Variants in FAT1 observed in about 807,000 individuals in gnomAD.
The protein encoded by FAT1 is protocadherin Fat 1.
A neutral mutation model predicts 329.8 loss-of-function variants in FAT1; 171 were observed. That is an observed-to-expected ratio of 0.52 (90% confidence interval 0.46 to 0.59). The LOEUF (loss-of-function observed/expected upper bound fraction) is 0.59. Ranked by LOEUF, FAT1 falls within the 20% of genes least tolerant of loss-of-function variation. FAT1 has a pLI of 0.00. For missense variants in FAT1, 5,672 were observed against 5,774.4 expected, an observed-to-expected ratio of 0.98 and a Z score of 0.57; for synonymous variants, 2,233 against 2,228.6, an observed-to-expected ratio of 1.00 and a Z score of -0.06.
intron 2 of FAT1, among the ~76,000 whole-genome samples, chr4:186,685,352 A>T (rs1380636573): frequency 1.3e-5 from 2 of 152,238 alleles, no homozygotes; most frequent in Admixed American, 6.5e-5. Context: ...AATAAGAGCA[A>T]CTTAGCCAAA....
At chr4:186,713,100 C>T (rs1358894471) in intron 1 of FAT1, among the ~76,000 whole-genome samples, 1 of 151,918 alleles carries the variant, frequency 6.6e-6, no homozygotes, top group Non-Finnish European at 1.5e-5. Context: ...ATACAACTAA[C>T]AAACCAGTAC....
chr4:186,711,420 T>G lies in FAT1; in HGVS notation c.-18-1575A>C, dbSNP rs564246413. 4.6e-5 allele frequency among the ~76,000 whole-genome samples: 7 copies of G among 152,246 alleles called. No homozygotes were observed. The South Asian group carries it at 1.5e-3, about 32-fold the overall frequency. ...AGAAAACAATTTTCTCCCAAAACTA[T>G]CTCTTTAAGTATCTCCATTTAGTCA... On this transcript the variant is annotated intron_variant, in intron 1 of 26. Transcript: ENST00000441802.
At chr4:186,657,592 G>A (rs1436123340) in intron 3 of FAT1, among the ~76,000 whole-genome samples, 5 of 152,156 alleles carry the variant, frequency 3.3e-5, no homozygotes, top group African/African-American at 1.2e-4. Context: ...TAAAAGCTAT[G>A]TGAAAGCTTA....
At chr4:186,623,755 C>T (rs1740160099) in intron 9 of FAT1, among the ~76,000 whole-genome samples, 1 of 152,202 alleles carries the variant, frequency 6.6e-6, no homozygotes, top group South Asian at 2.1e-4. Flanking sequence ...GCATCCTCTC[C>T]TGGAAGAGTC....
At chr4:186,642,625 GATGGGTGGCTAGGTGCTGCA>G (rs1194964301) in intron 3 of FAT1, among the ~76,000 whole-genome samples, 44 of 143,384 alleles carry the variant, frequency 3.1e-4, no homozygotes, top group African/African-American at 6.2e-4. Flanking sequence ...CAGGTGCTGC[GATGGGTGGCTAGGTGCTGCA>G]ATGGGTGGCT....
intron 2 of FAT1, among the ~76,000 whole-genome samples, chr4:186,697,809 G>A (rs1248253737): frequency 6.6e-6 from 1 of 152,136 alleles, no homozygotes; most frequent in African/African-American, 2.4e-5. Flanking sequence ...TCCTTTATGA[G>A]AATTTGTGAG....
intron 2 of FAT1, among the ~76,000 whole-genome samples, chr4:186,696,057 T>C (rs1462259538): frequency 1.3e-5 from 2 of 152,196 alleles, no homozygotes; most frequent in African/African-American, 2.4e-5. Flanking sequence ...TCCCAAAGTG[T>C]TGGGATTACA....
rs143744017 is a variant in FAT1 at position 186,598,043 on chromosome 4, G to A, written c.12186C>T (p.Leu4062=). The A allele has an allele frequency of 6.2e-7, 1 of 1,613,812 alleles. No homozygotes were observed. The highest frequency in any genetic ancestry group is 1.3e-5 in the African/African-American group (1 of 74,896). The change falls in exon 23 of 27, where the codon CTC becomes CTT. Residue 4062 remains leucine (L), a synonymous_variant. Coordinates refer to ENST00000441802, the MANE Select transcript of FAT1 (RefSeq NM_005245.4). Reference sequence around the variant, plus strand: ...TGTCGACAACACACGTGCCCCCATAGAGGCATGGCTTGGAGGAACACGGAT... The same window carrying A: ...TGTCGACAACACACGTGCCCCCATAAAGGCATGGCTTGGAGGAACACGGAT... ...SVNPCSSKPC[L]YGGTCVVDNG...
At chr4:186,637,190 G>A (rs1336919859) in intron 4 of FAT1, among the ~76,000 whole-genome samples, 3 of 152,068 alleles carry the variant, frequency 2.0e-5, no homozygotes, top group East Asian at 1.9e-4. Flanking sequence ...CTCTCTTCTC[G>A]CATTAGTTTA....
At chr4:186,687,397 C>T (rs1743522982) in intron 2 of FAT1, among the ~76,000 whole-genome samples, 1 of 149,976 alleles carries the variant, frequency 6.7e-6, no homozygotes, top group Non-Finnish European at 1.5e-5. Context: ...AACAAACAAA[C>T]AAAAAAAAAG....
chr4:186,692,387 A>C lies in FAT1; in HGVS notation c.3265+14176T>G, dbSNP rs530098267. Among the ~76,000 whole-genome samples, 7 of 152,040 alleles carry C rather than the reference A, an allele frequency of 4.6e-5. No homozygotes were observed. The East Asian group carries it at 1.4e-3, about 29-fold the overall frequency. ...GAGTGCAGTGGCGCAATCTCGGTTC[A>C]CTGCAAGCTCCGCCTCCCGGGTTCA... On this transcript the variant is annotated intron_variant, in intron 2 of 26. Coordinates refer to ENST00000441802, the MANE Select transcript of FAT1 (RefSeq NM_005245.4).
chr4:186,650,126 A>G (rs1414700818), intron 3 of FAT1, among the ~76,000 whole-genome samples: 1 of 152,208 alleles, frequency 6.6e-6, no homozygotes, highest in Non-Finnish European at 1.5e-5. Context: ...CTGGGATGAA[A>G]CAAAATTCCC....
chr4:186,627,028 AT>A (rs1740341936), intron 9 of FAT1, among the ~76,000 whole-genome samples: 1 of 119,838 alleles, frequency 8.3e-6, no homozygotes, highest in Non-Finnish European at 1.7e-5. Flanking sequence ...GAATGAATGA[AT>A]GAATGAGGGA....
At chr4:186,637,269 T>G (rs574051999) in intron 4 of FAT1, among the ~76,000 whole-genome samples, 23 of 152,356 alleles carry the variant, frequency 1.5e-4, no homozygotes, top group African/African-American at 5.5e-4. Context: ...ATGGAAGAGA[T>G]ACGTGAAGAT....
In FAT1 at chr4:186,707,694, G is replaced by A. The variant is rs776480678; in HGVS notation, c.2134C>T (p.His712Tyr). 2.5e-6 allele frequency: 4 copies of A among 1,613,914 alleles called. No homozygotes were observed. The highest frequency in any genetic ancestry group is 2.5e-6 in the Non-Finnish European group (3 of 1,179,864). Residue 712 changes from histidine to tyrosine, a missense_variant, in exon 2 of 27, where the codon CAC (histidine) becomes TAC (tyrosine). By Grantham distance (83) the His-to-Tyr change is moderately conservative. Transcript: ENST00000441802. ...AGAGTGCTTCTAAACTGCGGTATGTGAGCATTGACAGAGTGAGAATCGAAG... is the reference window on the plus strand; with the variant it reads ...AGAGTGCTTCTAAACTGCGGTATGTAAGCATTGACAGAGTGAGAATCGAAG... ...IFFDSHSVNA[H>Y]IPQFRSTLPT...
intron 1 of FAT1, among the ~76,000 whole-genome samples, chr4:186,711,049 G>A (rs1744924871): frequency 6.6e-6 from 1 of 152,186 alleles, no homozygotes; most frequent in Admixed American, 6.5e-5. Context: ...CTGTCATCTT[G>A]CAAAGTGACT....
At chr4:186,669,389 T>C (rs891894873) in intron 2 of FAT1, among the ~76,000 whole-genome samples, 1 of 152,152 alleles carries the variant, frequency 6.6e-6, no homozygotes, top group Non-Finnish European at 1.5e-5. Flanking sequence ...TGACGCAGAT[T>C]TGGAGCACAG....
intron 3 of FAT1, among the ~76,000 whole-genome samples, chr4:186,643,727 A>T (rs953190588): frequency 6.6e-6 from 1 of 151,842 alleles, no homozygotes; most frequent in African/African-American, 2.4e-5. Context: ...AAGACAATCT[A>T]CCGAGTGTGT....
At position 186,619,247 on chromosome 4, in the gene FAT1, T is replaced by C; in HGVS notation, c.7339A>G (p.Ile2447Val). ...TGCCGGTGCAGGTTTGAGAGGGTGA[T>C]AATCCCTGTTGCACTGTCAATGACA... ...HFVIDSATGI[I>V]TLSNLHRHAL... The change falls in exon 10 of 27, where the codon ATC (isoleucine) becomes GTC (valine). Residue 2447 changes from isoleucine to valine, a missense_variant. This residue lies in a region of FAT1 where 3,966 missense variants were observed against 3,915.2 expected (regional missense o/e 1.01). Transcript: ENST00000441802. 2 of 1,614,018 alleles carry C rather than the reference T, an allele frequency of 1.2e-6. No individual in the cohort carries two copies. The highest frequency in any genetic ancestry group is 1.7e-5 in the Admixed American group (1 of 60,030).
Sources: allele counts gnomAD v4.1 joint callset (sites outside exome capture counted in the v4.1 genomes callset), GRCh38; gene constraint gnomAD v4.1.1; regional missense constraint gnomAD v4.1.1; transcripts MANE v1.5; gene names NCBI Gene and HGNC (gene_info 2026-07-23, HGNC 2026-07-21).